The following TCF12 variants were observed in gnomAD, a reference collection of about 807,000 sequenced individuals.
The protein encoded by TCF12 is transcription factor 12, also known as DNA-binding protein HTF4.
Under a neutral mutation model 86.0 loss-of-function variants are expected in TCF12, and 45 were observed. The ratio of observed to expected loss-of-function variants is 0.52; its 90% CI spans 0.41 to 0.67. The LOEUF is 0.67. TCF12 is among the 30% of genes least tolerant of loss of function. The pLI is 0.00. For missense variants in TCF12, 881 were observed against 859.9 expected, an observed-to-expected ratio of 1.02 and a Z score of -0.31; for synonymous variants, 330 against 299.6, an observed-to-expected ratio of 1.10 and a Z score of -1.05.
chr15:56,948,173 A>C (rs2061097158), intron 3 of TCF12, among the ~76,000 whole-genome samples: 1 of 151,734 alleles, frequency 6.6e-6, no homozygotes, highest in Non-Finnish European at 1.5e-5. Context: ...CCAGGCTGGA[A>C]TGCAGTGGCG....
At chr15:57,077,327 ATGTGTGTGTGTGTGTG>A (rs1172206511) in intron 4 of TCF12, among the ~76,000 whole-genome samples, 21 of 25,700 alleles carry the variant, frequency 8.2e-4, no homozygotes, top group Admixed American at 4.6e-3. Context: ...ATGTATATAT[ATGTGTGTGTGTGTGTG>A]TGTGTGTGTG....
intron 3 of TCF12, among the ~76,000 whole-genome samples, chr15:56,958,678 AGTGTGTGTGTGTGTGTGT>A (rs55707134): frequency 1.4e-5 from 2 of 142,176 alleles, no homozygotes; most frequent in South Asian, 2.3e-4. Context: ...AGAGAGAGAG[AGTGTGTGTGTGTGTGTGT>A]GTGTGTGTGT....
chr15:57,272,206 A>C (rs773608436), intron 18 of TCF12, among the ~76,000 whole-genome samples: 3 of 152,226 alleles, frequency 2.0e-5, no homozygotes, highest in Non-Finnish European at 2.9e-5. Context: ...TATGTTGCTA[A>C]TGTAAATAAT....
At chr15:57,050,148 G>A (rs1256749067) in intron 3 of TCF12, among the ~76,000 whole-genome samples, 2 of 152,096 alleles carry the variant, frequency 1.3e-5, no homozygotes, top group African/African-American at 4.8e-5. Context: ...ATGTTGCAAG[G>A]TTTTCAAAAC....
At chr15:57,001,313 G>T (rs1332655134) in intron 3 of TCF12, 1 of 177,748 alleles carries the variant, frequency 5.6e-6, no homozygotes, top group African/African-American at 2.4e-5. Context: ...ATATTTCATT[G>T]TCCAGGAATT....
intron 5 of TCF12, among the ~76,000 whole-genome samples, chr15:57,105,671 C>T (rs2050090098): frequency 6.6e-6 from 1 of 152,214 alleles, no homozygotes; most frequent in Non-Finnish European, 1.5e-5. Flanking sequence ...CTCAGCCTTC[C>T]AAAGTGCTGG....
chr15:57,008,027 C>G (rs1405368915), intron 3 of TCF12, among the ~76,000 whole-genome samples: 1 of 151,250 alleles, frequency 6.6e-6, no homozygotes, highest in Non-Finnish European at 1.5e-5. Flanking sequence ...TGATCATGAT[C>G]ATAGCTCACT....
intron 6 of TCF12, among the ~76,000 whole-genome samples, chr15:57,172,103 C>T (rs2055548899): frequency 6.6e-6 from 1 of 151,950 alleles, no homozygotes; most frequent in Admixed American, 6.6e-5. Flanking sequence ...TTGGTTTTTC[C>T]TTGTTCTTTT....
chr15:57,242,023 G>T (rs1417586827), intron 12 of TCF12, among the ~76,000 whole-genome samples: 1 of 146,868 alleles, frequency 6.8e-6, no homozygotes, highest in Non-Finnish European at 1.5e-5. Context: ...CGTAAATTGT[G>T]ACTTGTATAG....
chr15:57,170,670 TATATA>T (rs1331830634), intron 6 of TCF12, among the ~76,000 whole-genome samples: 5 of 12,122 alleles, frequency 4.1e-4, no homozygotes, highest in African/African-American at 8.1e-4. Flanking sequence ...AATATATATA[TATATA>T]ATATATTATA....
At chr15:57,023,605 A>G (rs1218996942) in intron 3 of TCF12, among the ~76,000 whole-genome samples, 1 of 152,210 alleles carries the variant, frequency 6.6e-6, no homozygotes, top group East Asian at 1.9e-4. Flanking sequence ...TTCATAAAGA[A>G]GTTTTTTTTA....
At chr15:57,240,142 G>T (rs2059550959) in intron 12 of TCF12, among the ~76,000 whole-genome samples, 1 of 152,146 alleles carries the variant, frequency 6.6e-6, no homozygotes, top group African/African-American at 2.4e-5. Context: ...GAAATTCCTG[G>T]CAAGGATTAT....
At chr15:57,018,453 A>G (rs191814891) in intron 3 of TCF12, among the ~76,000 whole-genome samples, 64 of 151,940 alleles carry the variant, frequency 4.2e-4, no homozygotes, top group Admixed American at 2.1e-3. Context: ...GGCCGGATTT[A>G]TTTATTTATT....
intron 3 of TCF12, among the ~76,000 whole-genome samples, chr15:56,956,069 G>A (rs936972462): frequency 6.6e-6 from 1 of 151,854 alleles, no homozygotes; most frequent in African/African-American, 2.4e-5. Context: ...TGATATGTTA[G>A]CACTGTACAC....
At chr15:57,238,629 C>T (rs2059477221) in intron 12 of TCF12, among the ~76,000 whole-genome samples, 2 of 152,112 alleles carry the variant, frequency 1.3e-5, no homozygotes, top group Non-Finnish European at 2.9e-5. Context: ...TAAATACTAC[C>T]ATTTATTGAG....
At chr15:57,126,206 A>C (rs2051638120) in intron 5 of TCF12, among the ~76,000 whole-genome samples, 1 of 152,188 alleles carries the variant, frequency 6.6e-6, no homozygotes. Flanking sequence ...GCGCCACTAC[A>C]TTCCAGCTTG....
intron 3 of TCF12, among the ~76,000 whole-genome samples, chr15:56,990,086 G>C (rs1218040551): frequency 6.6e-6 from 1 of 150,504 alleles, no homozygotes; most frequent in East Asian, 1.9e-4. Context: ...AATGTATTCA[G>C]CAGGCAAAAA....
intron 16 of TCF12, among the ~76,000 whole-genome samples, chr15:57,260,465 A>T (rs767294331): frequency 6.6e-6 from 1 of 152,210 alleles, no homozygotes; most frequent in African/African-American, 2.4e-5. Context: ...TATGTTTAAA[A>T]TTTAAATTTT....
chr15:57,180,117 G>A lies in TCF12; in HGVS notation c.391-12041G>A, dbSNP rs149554480. Among the ~76,000 whole-genome samples the A allele has an allele frequency of 2.5e-3, 385 of 152,132 alleles. 6 individuals are homozygous for A. The highest frequency in any genetic ancestry group is 0.022 in the Admixed American group (337 of 15,274). ...TCATAATACAATTATTTTACAAATG[G>A]CGATATTTTCCAAATTTGAAATGTG... is the stretch of plus-strand genomic sequence containing the variant. On this transcript the variant is annotated intron_variant, in intron 6 of 20. Transcript: ENST00000333725.
Sources: allele counts gnomAD v4.1 joint callset (sites outside exome capture counted in the v4.1 genomes callset), GRCh38; gene constraint gnomAD v4.1.1; transcripts MANE v1.5; gene names NCBI Gene and HGNC (gene_info 2026-07-23, HGNC 2026-07-21).